Variants in CDH12 observed in about 807,000 individuals in gnomAD.
CDH12 encodes the protein cadherin-12.
CDH12 carries 41 observed loss-of-function variants against 74.1 expected under a neutral mutation model. The ratio of observed to expected loss-of-function variants is 0.55; its 90% CI spans 0.43 to 0.72. The LOEUF (loss-of-function observed/expected upper bound fraction) is 0.72. Among genes scored for constraint, CDH12 ranks in the 30% least tolerant of loss-of-function variants. The pLI is 0.00. For synonymous variants in CDH12, 399 were observed against 355.0 expected (o/e 1.12, Z -1.39); for missense variants, 945 against 977.2 (o/e 0.97, Z 0.44).
chr5:22,037,014 TG>T (rs1739237406), intron 5 of CDH12, among the ~76,000 whole-genome samples: 1 of 152,098 alleles, frequency 6.6e-6, no homozygotes, highest in Non-Finnish European at 1.5e-5. Flanking sequence ...AAATTGAAAA[TG>T]GAGAGAACTG....
intron 3 of CDH12, among the ~76,000 whole-genome samples, chr5:22,395,712 C>T (rs1481122630): frequency 2.6e-5 from 4 of 151,954 alleles, no homozygotes; most frequent in African/African-American, 9.7e-5. Flanking sequence ...AAATGCCAGT[C>T]CTGGAGAAAT....
intron 1 of CDH12, among the ~76,000 whole-genome samples, chr5:22,785,038 T>C (rs1747555737): frequency 1.3e-5 from 2 of 152,168 alleles, no homozygotes; most frequent in African/African-American, 4.8e-5. Context: ...TTGATTTTTG[T>C]GTACGGCCCC....
chr5:21,926,699 T>G (rs1414688372), intron 6 of CDH12, among the ~76,000 whole-genome samples: 8 of 152,172 alleles, frequency 5.3e-5, no homozygotes, highest in Admixed American at 5.2e-4. Flanking sequence ...AGAAAAAGAC[T>G]TGCTCGAATG....
chr5:22,227,821 C>T (rs1287103939), intron 3 of CDH12, among the ~76,000 whole-genome samples: 1 of 152,078 alleles, frequency 6.6e-6, no homozygotes, highest in African/African-American at 2.4e-5. Context: ...GAATCCCTTC[C>T]TCATTTGGAA....
chr5:22,689,275 G>T (rs1180893633), intron 1 of CDH12, among the ~76,000 whole-genome samples: 4 of 152,154 alleles, frequency 2.6e-5, no homozygotes, highest in Non-Finnish European at 5.9e-5. Flanking sequence ...CGTGATGAGA[G>T]CTGTTGGGCT....
At chr5:22,063,988 TACAC>T (rs10552100) in intron 5 of CDH12, among the ~76,000 whole-genome samples, 36,036 of 145,930 alleles carry the variant, frequency 0.25, 4,412 homozygotes, top group South Asian at 0.32. Flanking sequence ...ATTATGGAGA[TACAC>T]ACACACACAC....
At chr5:22,497,831 C>CA (rs1747166039) in intron 2 of CDH12, among the ~76,000 whole-genome samples, 1 of 151,564 alleles carries the variant, frequency 6.6e-6, no homozygotes, top group African/African-American at 2.4e-5. Flanking sequence ...TTAGTAGAGA[C>CA]GGGGTTTCAC....
chr5:22,315,860 T>C (rs1337480763), intron 3 of CDH12, among the ~76,000 whole-genome samples: 1 of 152,162 alleles, frequency 6.6e-6, no homozygotes, highest in Non-Finnish European at 1.5e-5. Flanking sequence ...TTTCGCAAAC[T>C]CTGTGAAGGA....
At chr5:21,933,389 G>A (rs1250611797) in intron 6 of CDH12, among the ~76,000 whole-genome samples, 1 of 152,126 alleles carries the variant, frequency 6.6e-6, no homozygotes, top group African/African-American at 2.4e-5. Context: ...AGGGAACAGG[G>A]CAGAGCATCC....
At chr5:22,647,177 A>G (rs529930553) in intron 1 of CDH12, among the ~76,000 whole-genome samples, 2 of 151,824 alleles carry the variant, frequency 1.3e-5, no homozygotes, top group East Asian at 3.9e-4. Flanking sequence ...CACATCCCAC[A>G]ATGTGCAACT....
chr5:22,442,810 C>T (rs1018805394), intron 2 of CDH12, among the ~76,000 whole-genome samples: 4 of 152,118 alleles, frequency 2.6e-5, no homozygotes, highest in South Asian at 2.1e-4. Context: ...GAGAAATCAA[C>T]GTTCCATCCA....
chr5:21,892,409 T>C (rs1752938807), intron 6 of CDH12, among the ~76,000 whole-genome samples: 1 of 152,080 alleles, frequency 6.6e-6, no homozygotes, highest in Admixed American at 6.6e-5. Flanking sequence ...GTGGTGGGTT[T>C]AGGGTGGTGG....
At chr5:22,442,969 T>G (rs561491708) in intron 2 of CDH12, among the ~76,000 whole-genome samples, 1 of 152,182 alleles carries the variant, frequency 6.6e-6, no homozygotes, top group South Asian at 2.1e-4. Context: ...CATTGAATGT[T>G]TTTTTCCTCA....
intron 1 of CDH12, among the ~76,000 whole-genome samples, chr5:22,593,820 G>A (rs2126802986): frequency 6.6e-6 from 1 of 152,208 alleles, no homozygotes; most frequent in South Asian, 2.1e-4. Flanking sequence ...TTACCTTTTT[G>A]TTGCCTACAA....
chr5:21,988,310 G>A, intron 5 of CDH12, among the ~76,000 whole-genome samples: 1 of 151,874 alleles, frequency 6.6e-6, no homozygotes, highest in East Asian at 1.9e-4. Context: ...TGGCCAACAT[G>A]ATGAAAACCT....
At chr5:22,726,732 A>G (rs1381129755) in intron 1 of CDH12, among the ~76,000 whole-genome samples, 2 of 151,798 alleles carry the variant, frequency 1.3e-5, no homozygotes, top group Non-Finnish European at 2.9e-5. Flanking sequence ...GCTTATCACA[A>G]TACAATTGAA....
intron 1 of CDH12, among the ~76,000 whole-genome samples, chr5:22,816,432 G>T (rs947213325): frequency 5.3e-5 from 8 of 152,118 alleles, no homozygotes; most frequent in Non-Finnish European, 2.9e-5. Flanking sequence ...AATGCAGAGA[G>T]CTTCCCTAAT....
chr5:22,387,491 A>G (rs1203356936), intron 3 of CDH12, among the ~76,000 whole-genome samples: 1 of 152,158 alleles, frequency 6.6e-6, no homozygotes, highest in Non-Finnish European at 1.5e-5. Flanking sequence ...CTTTGACTGA[A>G]AACAGGTCAC....
At chr5:21,916,651 CTCCAAACT>C (rs1754109221) in intron 6 of CDH12, among the ~76,000 whole-genome samples, 2 of 152,254 alleles carry the variant, frequency 1.3e-5, no homozygotes, top group African/African-American at 4.8e-5. Flanking sequence ...CTTCCAGTCC[CTCCAAACT>C]TGGGCCTGGA....
Sources: allele counts gnomAD v4.1 joint callset (sites outside exome capture counted in the v4.1 genomes callset), GRCh38; gene constraint gnomAD v4.1.1; transcripts MANE v1.5; gene names NCBI Gene and HGNC (gene_info 2026-07-23, HGNC 2026-07-21).